Variants in AGBL4 observed in about 807,000 individuals in gnomAD.
AGBL4 encodes the protein AGBL carboxypeptidase 4.
AGBL4 carries 58 observed loss-of-function variants against 66.4 expected under a neutral mutation model. That is an observed-to-expected ratio of 0.87 (90% CI 0.71 to 1.09). AGBL4 has a LOEUF of 1.09. Among genes scored for constraint, AGBL4 ranks in the 50% least tolerant of loss-of-function variants. The pLI is 0.00. For missense variants in AGBL4, 579 were observed against 631.0 expected (o/e 0.92, Z 0.88); for synonymous variants, 234 against 222.9 (o/e 1.05, Z -0.44).
intron 1 of AGBL4, among the ~76,000 whole-genome samples, chr1:49,946,734 A>C (rs1350354260): frequency 8.6e-5 from 13 of 151,878 alleles, no homozygotes; most frequent in Admixed American, 8.6e-4. Context: ...ATTAAAACAA[A>C]CAAAAAAATA....
intron 2 of AGBL4, among the ~76,000 whole-genome samples, chr1:49,804,929 T>C (rs1286577885): frequency 6.6e-6 from 1 of 152,172 alleles, no homozygotes; most frequent in Non-Finnish European, 1.5e-5. Flanking sequence ...TCCTGTTTCT[T>C]GGGTTGAATG....
At chr1:48,657,713 C>T (rs573463605) in intron 7 of AGBL4, among the ~76,000 whole-genome samples, 6 of 152,024 alleles carry the variant, frequency 3.9e-5, no homozygotes, top group African/African-American at 1.2e-4. Flanking sequence ...TGCCTGCAAC[C>T]CCGAGAGCAT....
intron 6 of AGBL4, among the ~76,000 whole-genome samples, chr1:48,732,952 G>C (rs1008547781): frequency 3.9e-5 from 6 of 152,210 alleles, no homozygotes; most frequent in African/African-American, 9.6e-5. Flanking sequence ...AGGAATGATC[G>C]TGTCAAACAG....
chr1:49,392,965 T>C (rs1468070341), intron 3 of AGBL4, among the ~76,000 whole-genome samples: 1 of 152,228 alleles, frequency 6.6e-6, no homozygotes, highest in East Asian at 1.9e-4. Context: ...AAAATTTCAA[T>C]GTTAGTTTAA....
At chr1:49,449,916 T>G (rs1326894298) in intron 3 of AGBL4, among the ~76,000 whole-genome samples, 1 of 151,952 alleles carries the variant, frequency 6.6e-6, no homozygotes, top group Non-Finnish European at 1.5e-5. Context: ...AAATCTGAAA[T>G]TATACTTCAG....
chr1:49,442,741 T>C (rs927832291), intron 3 of AGBL4, among the ~76,000 whole-genome samples: 1 of 152,234 alleles, frequency 6.6e-6, no homozygotes, highest in Non-Finnish European at 1.5e-5. Context: ...CCTTTTGATA[T>C]ATTTATTTCT....
chr1:48,750,904 C>T (rs1309610492), intron 6 of AGBL4, among the ~76,000 whole-genome samples: 5 of 152,152 alleles, frequency 3.3e-5, no homozygotes, highest in East Asian at 1.9e-4. Flanking sequence ...TTACCCCCCA[C>T]ACTCAGAGTA....
At chr1:49,483,959 T>G (rs1417989243) in intron 3 of AGBL4, among the ~76,000 whole-genome samples, 2 of 151,946 alleles carry the variant, frequency 1.3e-5, no homozygotes, top group African/African-American at 4.8e-5. Context: ...TATACATCTC[T>G]CAAAAGAAGA....
At chr1:48,591,098 CCACA>C in intron 9 of AGBL4, 113 bp from the exon 10 acceptor site, 2 of 661,948 alleles carry the variant, frequency 3.0e-6, no homozygotes, top group South Asian at 2.3e-5. Flanking sequence ...CCACCCCCCC[CCACA>C]CACACACACA....
At chr1:49,534,277 G>T (rs1651399474) in intron 3 of AGBL4, among the ~76,000 whole-genome samples, 1 of 146,782 alleles carries the variant, frequency 6.8e-6, no homozygotes, top group Non-Finnish European at 1.5e-5. Flanking sequence ...TCTTTAAATA[G>T]AAGTCAGTAT....
At chr1:49,880,413 C>A (rs1295711536) in intron 1 of AGBL4, among the ~76,000 whole-genome samples, 1 of 151,964 alleles carries the variant, frequency 6.6e-6, no homozygotes, top group African/African-American at 2.4e-5. Flanking sequence ...TGTTGGAATA[C>A]CCTGCTGTGT....
chr1:49,377,747 T>G (rs750841194), intron 3 of AGBL4, among the ~76,000 whole-genome samples: 9 of 152,076 alleles, frequency 5.9e-5, no homozygotes, highest in Non-Finnish European at 1.3e-4. Flanking sequence ...GCCAGGCGCA[T>G]ACAGCATGAA....
intron 4 of AGBL4, among the ~76,000 whole-genome samples, chr1:49,113,716 A>G (rs938714439): frequency 2.0e-5 from 3 of 152,244 alleles, no homozygotes; most frequent in Non-Finnish European, 4.4e-5. Flanking sequence ...TTGTTAATCC[A>G]TGAGTTGCAA....
chr1:49,919,874 G>C lies in AGBL4; in HGVS notation c.35-68356C>G, dbSNP rs1407919720. The stretch of plus-strand genomic sequence containing the variant: ...CTACAGTAACCAAAACAGCATGGTA[G>C]TGGTACCAAAACAGAGATATAGATC... On this transcript the variant is annotated intron_variant, in intron 1 of 13. Coordinates refer to ENST00000371839, the MANE Select transcript of AGBL4 (RefSeq NM_032785.4). Among the ~76,000 whole-genome samples the C allele has an allele frequency of 3.0e-3, 453 of 152,114 alleles. 1 individual carries two copies. Among genetic ancestry groups the C allele is most frequent in the African/African-American group, 5.5e-3 (227 of 41,476 alleles).
At chr1:49,236,755 C>T (rs1249973754) in intron 4 of AGBL4, among the ~76,000 whole-genome samples, 1 of 152,030 alleles carries the variant, frequency 6.6e-6, no homozygotes, top group Non-Finnish European at 1.5e-5. Flanking sequence ...AATCAAGATA[C>T]ATAATTATCC....
chr1:48,890,844 C>T (rs746984132), intron 5 of AGBL4, among the ~76,000 whole-genome samples: 3 of 152,122 alleles, frequency 2.0e-5, no homozygotes, highest in Non-Finnish European at 2.9e-5. Flanking sequence ...AATGAATGAA[C>T]GCAGAAGTGC....
chr1:49,965,247 T>A (rs1657459467), intron 1 of AGBL4, among the ~76,000 whole-genome samples: 1 of 152,202 alleles, frequency 6.6e-6, no homozygotes, highest in Non-Finnish European at 1.5e-5. Flanking sequence ...ACCATCCCCA[T>A]GTACTTATGT....
chr1:49,363,380 A>G (rs1434044271), intron 3 of AGBL4, among the ~76,000 whole-genome samples: 1 of 152,146 alleles, frequency 6.6e-6, no homozygotes, highest in African/African-American at 2.4e-5. Flanking sequence ...TTAAAATTCT[A>G]CTGTGTTCTT....
At chr1:49,690,947 G>A (rs1160127770) in intron 3 of AGBL4, among the ~76,000 whole-genome samples, 1 of 152,172 alleles carries the variant, frequency 6.6e-6, no homozygotes, top group Non-Finnish European at 1.5e-5. Context: ...CACAGAGGCA[G>A]TAAGTGGAAG....
Sources: gnomAD v4.1 joint callset for allele counts (sites outside exome capture counted in the v4.1 genomes callset) on GRCh38, gnomAD v4.1.1 for gene constraint, MANE v1.5 for transcripts, NCBI Gene and HGNC (gene_info 2026-07-23, HGNC 2026-07-21) for gene names.